The following VPS54 variants were observed in gnomAD, a reference collection of about 807,000 sequenced individuals.
VPS54 encodes VPS54 subunit of GARP complex.
Under a neutral mutation model 121.5 loss-of-function variants are expected in VPS54, and 45 were observed. The observed-to-expected ratio is 0.37, with a 90% CI of 0.29 to 0.47. VPS54 has a LOEUF of 0.47. Among genes scored for constraint, VPS54 ranks in the 20% least tolerant of loss-of-function variants. The pLI is 0.99. For missense variants in VPS54, 1,090 were observed against 1,131.4 expected (o/e 0.96, Z 0.52); for synonymous variants, 371 against 385.8 (o/e 0.96, Z 0.45).
At chr2:63,952,298 T>A (rs1675289781) in intron 7 of VPS54, among the ~76,000 whole-genome samples, 1 of 152,276 alleles carries the variant, frequency 6.6e-6, no homozygotes, top group East Asian at 1.9e-4. Context: ...ACCTAGTTGG[T>A]CCAAAGAATT....
chr2:63,962,561 T>A lies in VPS54; in HGVS notation c.625-118A>T, dbSNP rs190097836. The A allele has an allele frequency of 2.3e-5, 29 of 1,261,226 alleles. No homozygotes were observed. The East Asian group carries it at 7.1e-4, about 31-fold the overall frequency. 78.1% of individuals were successfully genotyped at this position (1,261,226 alleles called of 1,614,324 possible). On this transcript the variant is annotated intron_variant, in intron 6 of 22. Coordinates refer to ENST00000272322, the MANE Select transcript of VPS54 (RefSeq NM_016516.3). Reference sequence around the variant, plus strand: ...TATACTTTAAATTCCATTGTGTGAATTGTTTGATTGTGAGATCCTTGAAAT... The same window carrying A: ...TATACTTTAAATTCCATTGTGTGAAATGTTTGATTGTGAGATCCTTGAAAT...
chr2:63,924,247 A>C (rs13018690), intron 12 of VPS54, among the ~76,000 whole-genome samples: 23,436 of 152,240 alleles, frequency 0.15, 2,083 homozygotes, highest in Middle Eastern at 0.23. Flanking sequence ...CTAGCTGGGC[A>C]AATAGTCCAC....
At chr2:63,920,336 C>A (rs1269602716) in intron 14 of VPS54, 110 bp downstream of exon 14, 23 of 1,059,336 alleles carry the variant, frequency 2.2e-5, no homozygotes, top group Non-Finnish European at 2.5e-5. Flanking sequence ...ATTAAAAAAA[C>A]CTTTATCAGG....
intron 20 of VPS54, among the ~76,000 whole-genome samples, chr2:63,907,441 C>T (rs1294075501): frequency 6.6e-6 from 1 of 151,250 alleles, no homozygotes; most frequent in African/African-American, 2.4e-5. Flanking sequence ...TAGCATGAAC[C>T]CGGGAGGCGG....
intron 7 of VPS54, among the ~76,000 whole-genome samples, chr2:63,953,054 GTTT>G (rs141717833): frequency 0.097 from 14,111 of 145,966 alleles, 738 homozygotes; most frequent in Middle Eastern, 0.15. Flanking sequence ...CTATAGAGCA[GTTT>G]TTTTTTCATT....
At chr2:63,955,314 G>A (rs1447372538) in intron 7 of VPS54, among the ~76,000 whole-genome samples, 1 of 151,582 alleles carries the variant, frequency 6.6e-6, no homozygotes, top group African/African-American at 2.4e-5. Flanking sequence ...ACCTAATATT[G>A]CTTGGCTCTC....
Position 63,933,734 on chromosome 2 carries a change from CAGT to C in VPS54, c.1675_1677del (p.Thr559del), listed in dbSNP as rs2104485595. 1.2e-6 allele frequency: 2 copies of C among 1,613,806 alleles called. No homozygotes were observed. On this transcript the variant is annotated inframe_deletion, in exon 12 of 23. Coordinates refer to ENST00000272322, the MANE Select transcript of VPS54 (RefSeq NM_016516.3). ...GTGTGCTCTTTGCTGGATGAAGAAT[CAGT>C]AGTACATTCTGGCTCGGATACAGAA...
chr2:63,980,498 C>CT (rs529541980), intron 3 of VPS54, among the ~76,000 whole-genome samples: 95 of 151,920 alleles, frequency 6.3e-4, no homozygotes, highest in African/African-American at 2.2e-3. Context: ...CCTATCCATT[C>CT]TTTTTTTTCT....
chr2:63,912,682 T>C (rs780905858), intron 18 of VPS54, 21 bp from the exon 19 acceptor site: 23 of 1,550,750 alleles, frequency 1.5e-5, no homozygotes, highest in Admixed American at 2.5e-5. Flanking sequence ...AGGGAGTAGA[T>C]ATATAATGGA....
chr2:63,917,226 T>G (rs986240049), intron 15 of VPS54, among the ~76,000 whole-genome samples: 16 of 152,192 alleles, frequency 1.1e-4, no homozygotes, highest in African/African-American at 3.8e-4. Context: ...ACTATCTGTA[T>G]CTATTAAATG....
intron 13 of VPS54, 31 bp downstream of exon 13, chr2:63,921,175 A>G (rs1673626477): frequency 1.3e-6 from 2 of 1,578,414 alleles, no homozygotes; most frequent in Non-Finnish European, 8.6e-7. Context: ...TATTACGTAT[A>G]AAATATATAA....
At chr2:63,940,092 T>G (rs946664477) in intron 11 of VPS54, among the ~76,000 whole-genome samples, 1 of 152,170 alleles carries the variant, frequency 6.6e-6, no homozygotes, top group African/African-American at 2.4e-5. Flanking sequence ...TCATAATGTA[T>G]GTATTTTCTC....
At chr2:64,007,690 A>G (rs1450465333) in intron 1 of VPS54, among the ~76,000 whole-genome samples, 1 of 152,234 alleles carries the variant, frequency 6.6e-6, no homozygotes, top group African/African-American at 2.4e-5. Context: ...CAGGAAAGTG[A>G]TATTACAAAT....
chr2:63,934,557 T>C (rs527559429), intron 11 of VPS54, among the ~76,000 whole-genome samples: 9 of 152,316 alleles, frequency 5.9e-5, no homozygotes, highest in Admixed American at 2.0e-4. Context: ...CCTTGATCTT[T>C]GCACATATTT....
In VPS54 at chr2:63,912,402, T is replaced by C; in HGVS notation, c.2568A>G (p.Glu856=). Residue 856 remains glutamate (E), a synonymous_variant, in exon 20 of 23, where the codon GAA becomes GAG. Transcript: ENST00000272322. Reference sequence around the variant, plus strand: ...TTATCGCTACAAGCTTAGCTGATATTTCAGCTATGTGATCATGGTAGTCCT... The same window carrying C: ...TTATCGCTACAAGCTTAGCTGATATCTCAGCTATGTGATCATGGTAGTCCT... ...ITKDYHDHIA[E]ISAKLVAIMD... 6.2e-7 allele frequency: 1 copy of C among 1,612,368 alleles called. No homozygotes were observed. Among genetic ancestry groups the C allele is most frequent in the Non-Finnish European group, 8.5e-7 (1 of 1,178,858 alleles).
At position 63,942,448 on chromosome 2, in the gene VPS54, C is replaced by G. The variant is rs1448563198; in HGVS notation, c.1398+17G>C. On this transcript the variant is annotated intron_variant, in intron 11 of 22. Transcript: ENST00000272322. ...TAATTTTAGGGATATTCTAGACAAA[C>G]TAATTTATAAGCTTACCTTCACTCT... 3.2e-6 allele frequency: 5 copies of G among 1,538,792 alleles called. No individual in the cohort carries two copies. Among genetic ancestry groups the G allele is most frequent in the Non-Finnish European group, 4.4e-6 (5 of 1,141,530 alleles).
intron 12 of VPS54, among the ~76,000 whole-genome samples, chr2:63,928,030 C>T (rs1343379385): frequency 6.6e-6 from 1 of 152,124 alleles, no homozygotes; most frequent in Non-Finnish European, 1.5e-5. Context: ...ACCAAATCTA[C>T]GTTTGATTGG....
At chr2:63,992,927 G>A (rs919504104) in intron 1 of VPS54, among the ~76,000 whole-genome samples, 4 of 152,144 alleles carry the variant, frequency 2.6e-5, no homozygotes, top group African/African-American at 7.2e-5. Flanking sequence ...ACTTCCTCAG[G>A]GAATGCTAAA....
intron 3 of VPS54, among the ~76,000 whole-genome samples, chr2:63,972,775 G>C (rs772946510): frequency 6.6e-6 from 1 of 151,980 alleles, no homozygotes; most frequent in Non-Finnish European, 1.5e-5. Flanking sequence ...CTATTGGGGA[G>C]GCTGAGGCAC....
Sources: allele counts gnomAD v4.1 joint callset (sites outside exome capture counted in the v4.1 genomes callset), GRCh38; gene constraint gnomAD v4.1.1; transcripts MANE v1.5; gene names NCBI Gene and HGNC (gene_info 2026-07-23, HGNC 2026-07-21).